LRRC37A2: variants seen among roughly 807,000 people sequenced by gnomAD.
The protein encoded by LRRC37A2 is leucine rich repeat containing 37 member A2, also known as leucine-rich repeat-containing protein 37A2.
LRRC37A2 carries 9 observed loss-of-function variants against 68.8 expected under a neutral mutation model. The observed-to-expected ratio is 0.13, with a 90% CI of 0.08 to 0.23. The LOEUF is 0.23. Ranked by LOEUF, LRRC37A2 falls within the 10% of genes least tolerant of loss-of-function variation. LRRC37A2 has a pLI of 1.00. For synonymous variants in LRRC37A2, 63 were observed against 367.6 expected (o/e 0.17, Z 9.48); for missense variants, 168 against 950.4 (o/e 0.18, Z 10.82).
chr17:46,785,942 T>A, the LRRC37A2 span, among the ~76,000 whole-genome samples: 1 of 152,254 alleles, frequency 6.6e-6, no homozygotes, highest in Admixed American at 6.5e-5. Flanking sequence ...TGCCTGCGGC[T>A]CTGGCTGATC....
chr17:46,949,710 G>A, the LRRC37A2 span, among the ~76,000 whole-genome samples: 1 of 152,220 alleles, frequency 6.6e-6, no homozygotes, highest in South Asian at 2.1e-4. Flanking sequence ...ACTTACCCTG[G>A]AACCCTGGAG....
chr17:46,813,905 C>T, the LRRC37A2 span, among the ~76,000 whole-genome samples: 1 of 152,250 alleles, frequency 6.6e-6, no homozygotes, highest in Non-Finnish European at 1.5e-5. Context: ...CCCTCGCTGT[C>T]TGCCTCAGTT....
At chr17:46,994,224 A>C in the LRRC37A2 span, among the ~76,000 whole-genome samples, 1 of 152,188 alleles carries the variant, frequency 6.6e-6, no homozygotes, top group South Asian at 2.1e-4. Context: ...GTCTCTACTA[A>C]AAATACAATA....
the LRRC37A2 span, chr17:46,935,479 T>C: frequency 1.5e-6 from 2 of 1,362,992 alleles, no homozygotes; most frequent in South Asian, 1.9e-5. Context: ...GGCTGAGAAA[T>C]TGTGTTACAG....
the LRRC37A2 span, among the ~76,000 whole-genome samples, chr17:46,744,696 A>G: frequency 6.6e-6 from 1 of 152,160 alleles, no homozygotes; most frequent in Non-Finnish European, 1.5e-5. Flanking sequence ...GGCAAGACCT[A>G]TGAAAGGGTG....
the LRRC37A2 span, among the ~76,000 whole-genome samples, chr17:46,767,214 C>T: frequency 1.3e-5 from 2 of 152,146 alleles, no homozygotes; most frequent in African/African-American, 4.8e-5. Flanking sequence ...ATGCAGGCCA[C>T]CTCTGGGAAG....
At chr17:46,903,552 C>T in the LRRC37A2 span, among the ~76,000 whole-genome samples, 2 of 152,108 alleles carry the variant, frequency 1.3e-5, no homozygotes, top group Admixed American at 1.3e-4. Flanking sequence ...CTTCCAGGTA[C>T]TTGTATCCTG....
At chr17:46,769,677 G>T in the LRRC37A2 span, 1 of 1,488,582 alleles carries the variant, frequency 6.7e-7, no homozygotes, top group Non-Finnish European at 9.1e-7. Context: ...AAAGGAGCCC[G>T]CGACCCACAG....
chr17:46,820,532 C>T, the LRRC37A2 span, among the ~76,000 whole-genome samples: 404 of 152,134 alleles, frequency 2.7e-3, 3 homozygotes, highest in African/African-American at 8.9e-3. Context: ...AAATCGTGAA[C>T]CTGACCAGGA....
chr17:46,837,314 T>C, the LRRC37A2 span, among the ~76,000 whole-genome samples: 1 of 152,196 alleles, frequency 6.6e-6, no homozygotes, highest in Non-Finnish European at 1.5e-5. Context: ...AAACTCCACC[T>C]GCAGTGACAA....
At chr17:46,610,039 C>CTG in the LRRC37A2 span, among the ~76,000 whole-genome samples, 1 of 93,818 alleles carries the variant, frequency 1.1e-5, no homozygotes, top group Non-Finnish European at 2.6e-5. Flanking sequence ...CTCTCTCTCT[C>CTG]TCTCTTTCTT....
At chr17:46,857,247 T>A in the LRRC37A2 span, among the ~76,000 whole-genome samples, 1 of 152,076 alleles carries the variant, frequency 6.6e-6, no homozygotes, top group Non-Finnish European at 1.5e-5. Context: ...GACGGGCAGA[T>A]CACTTGAGGT....
intron 6 of LRRC37A2, among the ~76,000 whole-genome samples, chr17:46,534,115 G>A (rs1189768096): frequency 2.8e-5 from 4 of 144,644 alleles, no homozygotes; most frequent in Admixed American, 1.3e-4. Context: ...CCAGGCTTAA[G>A]CAATGCTGTC....
chr17:46,979,566 T>G, the LRRC37A2 span, among the ~76,000 whole-genome samples: 1 of 152,164 alleles, frequency 6.6e-6, no homozygotes, highest in Non-Finnish European at 1.5e-5. Flanking sequence ...CTCTCTTCGC[T>G]TATTATTTAA....
the LRRC37A2 span, among the ~76,000 whole-genome samples, chr17:46,800,259 C>T: frequency 6.6e-6 from 1 of 152,104 alleles, no homozygotes; most frequent in Non-Finnish European, 1.5e-5. Flanking sequence ...TACAGCTGCC[C>T]ACCACCACAC....
the LRRC37A2 span, chr17:46,937,688 T>C: frequency 6.6e-6 from 1 of 152,248 alleles, no homozygotes; most frequent in Non-Finnish European, 1.5e-5. Flanking sequence ...TTCATGCTAC[T>C]CTTTTCTATG....
the LRRC37A2 span, among the ~76,000 whole-genome samples, chr17:46,945,939 A>G: frequency 2.1e-4 from 32 of 152,328 alleles, no homozygotes; most frequent in Middle Eastern, 3.4e-3. Flanking sequence ...TTCCGTGTCC[A>G]TGGTGATTTC....
chr17:46,862,070 A>G, the LRRC37A2 span, among the ~76,000 whole-genome samples: 1 of 151,570 alleles, frequency 6.6e-6, no homozygotes, highest in African/African-American at 2.4e-5. Flanking sequence ...GGCTGAGGCA[A>G]GAGAATTGCT....
At chr17:46,823,134 ATAT>A in the LRRC37A2 span, among the ~76,000 whole-genome samples, 4 of 134,026 alleles carry the variant, frequency 3.0e-5, no homozygotes, top group East Asian at 2.0e-4. Context: ...TATATTATAT[ATAT>A]TATATTATAT....
Sources: gnomAD v4.1 joint callset for allele counts (sites outside exome capture counted in the v4.1 genomes callset) on GRCh38, gnomAD v4.1.1 for gene constraint, MANE v1.5 for transcripts, NCBI Gene and HGNC (gene_info 2026-07-23, HGNC 2026-07-21) for gene names.